Variants in APPL2 observed in about 807,000 individuals in gnomAD.
APPL2 encodes the protein adaptor protein, phosphotyrosine interacting with PH domain and leucine zipper 2.
In APPL2, 84 loss-of-function variants were observed where a neutral mutation model predicts 92.7. The ratio of observed to expected loss-of-function variants is 0.91; its 90% CI spans 0.76 to 1.09. The LOEUF (loss-of-function observed/expected upper bound fraction) is 1.09. APPL2 is among the 50% of genes least tolerant of loss of function. The probability of loss-of-function intolerance (pLI) is 0.00; values close to 1 mark genes in which losing one functional copy is unlikely to be tolerated. For synonymous variants in APPL2, 291 were observed against 291.0 expected (o/e 1.00, Z 0.00); for missense variants, 736 against 824.5 (o/e 0.89, Z 1.31).
chr12:105,205,622 G>T (rs1888634176), intron 8 of APPL2, among the ~76,000 whole-genome samples: 1 of 152,210 alleles, frequency 6.6e-6, no homozygotes, highest in South Asian at 2.1e-4. Flanking sequence ...GACCAGAGCT[G>T]ATCATCCTTC....
At chr12:105,232,182 G>C (rs1890972470) in intron 1 of APPL2, among the ~76,000 whole-genome samples, 1 of 152,132 alleles carries the variant, frequency 6.6e-6, no homozygotes, top group Non-Finnish European at 1.5e-5. Flanking sequence ...CAACCTCAGA[G>C]AGATTGAGTA....
In APPL2 at chr12:105,199,391, C is replaced by G. The variant is rs186184574; in HGVS notation, c.845G>C (p.Gly282Ala). Residue 282 changes from glycine (G) to alanine (A), a missense_variant, in exon 10 of 21, where the codon GGT (glycine) becomes GCT (alanine). Transcript: ENST00000258530. ...QINRNLIQKA[G>A]YLNLRNKTGL... ...TTCTCACTTTCTAAGATTAAGGTAA[C>G]CAGCCTTCTGGATGAGGTTCCTGTT... The G allele has an allele frequency of 1.2e-6, 2 of 1,613,022 alleles. No homozygotes were observed. Among genetic ancestry groups the G allele is most frequent in the African/African-American group, 2.7e-5 (2 of 74,988 alleles).
chr12:105,222,535 G>A (rs1566095416), intron 2 of APPL2, among the ~76,000 whole-genome samples: 1 of 152,192 alleles, frequency 6.6e-6, no homozygotes, highest in African/African-American at 2.4e-5. Context: ...TTCAGCCAAG[G>A]AACTGAGGAG....
At chr12:105,190,810 C>A (rs1001375758) in intron 14 of APPL2, among the ~76,000 whole-genome samples, 4 of 152,192 alleles carry the variant, frequency 2.6e-5, no homozygotes, top group African/African-American at 9.7e-5. Context: ...GCATTGTGCC[C>A]ACACTCATTG....
At chr12:105,227,599 C>T (rs1890618836) in intron 2 of APPL2, among the ~76,000 whole-genome samples, 1 of 152,156 alleles carries the variant, frequency 6.6e-6, no homozygotes, top group African/African-American at 2.4e-5. Context: ...TACCACCTGA[C>T]CCCTTCATAC....
chr12:105,212,118 C>CA lies in APPL2; in HGVS notation c.286-802dup, dbSNP rs5800657. On this transcript the variant is annotated intron_variant, in intron 4 of 20. Coordinates refer to ENST00000258530, the MANE Select transcript of APPL2 (RefSeq NM_018171.5). ...TGGGTGACAGAGCGAGACTCCATCT[C>CA]AAAAAAAAAAAAAAAAAAAAAGAAT... Among the ~76,000 whole-genome samples the CA allele has an allele frequency of 4.1e-3, 294 of 72,376 alleles. 12 individuals are homozygous for CA. The highest frequency in any genetic ancestry group is 9.3e-3 in the African/African-American group (166 of 17,800). The allele number at this position is 72,376 out of a possible 152,430, so 47.5% of individuals were successfully genotyped here.
chr12:105,175,321 A>C (rs1384499753), intron 20 of APPL2, among the ~76,000 whole-genome samples: 5 of 152,206 alleles, frequency 3.3e-5, no homozygotes, highest in African/African-American at 1.2e-4. Flanking sequence ...CCACTATTTC[A>C]TGTATGTGGC....
rs757298388 is a variant in APPL2 at position 105,200,864 on chromosome 12, G to GTATGTATCTATCTATC, written c.705-1334_705-1333insGATAGATAGATACATA. On this transcript the variant is annotated intron_variant, in intron 9 of 20. Coordinates refer to ENST00000258530, the MANE Select transcript of APPL2 (RefSeq NM_018171.5). Reference sequence around the variant, plus strand: ...TGTATGTATGTATGTATGTATGTATGTATCTATCTATCTATCTATCTATCT... The same window carrying GTATGTATCTATCTATC: ...TGTATGTATGTATGTATGTATGTATGTATGTATCTATCTATCTATCTATCTATCTATCTATCTATCT... Among the ~76,000 whole-genome samples, 531 of 135,046 alleles carry GTATGTATCTATCTATC rather than the reference G, an allele frequency of 3.9e-3. 2 individuals carry two copies. The highest frequency in any genetic ancestry group is 6.5e-3 in the Non-Finnish European group (405 of 61,928). The allele number at this position is 135,046 out of a possible 152,430, so 88.6% of individuals were successfully genotyped here.
intron 17 of APPL2, among the ~76,000 whole-genome samples, chr12:105,179,806 C>G (rs1719136652): frequency 6.6e-6 from 1 of 152,162 alleles, no homozygotes; most frequent in Non-Finnish European, 1.5e-5. Context: ...ATCCTTCACC[C>G]ACTTTTTGAC....
intron 14 of APPL2, 38 bp downstream of exon 14, chr12:105,195,223 G>A (rs774189317): frequency 6.3e-7 from 1 of 1,586,472 alleles, no homozygotes; most frequent in East Asian, 2.2e-5. Flanking sequence ...CAATAATTTG[G>A]CTCCACAAAA....
chr12:105,200,894 ATCTATC>A (rs1157598933), intron 9 of APPL2, among the ~76,000 whole-genome samples: 6 of 141,340 alleles, frequency 4.2e-5, no homozygotes, highest in African/African-American at 1.6e-4. Context: ...CTATCTATCT[ATCTATC>A]TATCCTATCT....
intron 4 of APPL2, among the ~76,000 whole-genome samples, chr12:105,211,556 G>C (rs1889219848): frequency 6.6e-6 from 1 of 152,140 alleles, no homozygotes; most frequent in Admixed American, 6.5e-5. Flanking sequence ...AGAGTGTCTG[G>C]GCCCACAGTT....
At chr12:105,235,667 A>C (rs1372387217) in intron 1 of APPL2, among the ~76,000 whole-genome samples, 1 of 152,192 alleles carries the variant, frequency 6.6e-6, no homozygotes, top group Non-Finnish European at 1.5e-5. Context: ...ACTACATGGA[A>C]TCAAAGTTTA....
At chr12:105,196,194 G>A (rs1359583878) in intron 11 of APPL2, among the ~76,000 whole-genome samples, 1 of 152,094 alleles carries the variant, frequency 6.6e-6, no homozygotes, top group Non-Finnish European at 1.5e-5. Flanking sequence ...GAGAAGGCGG[G>A]ACTCGGATCT....
intron 2 of APPL2, among the ~76,000 whole-genome samples, chr12:105,218,136 T>C (rs199674998): frequency 2.1e-5 from 3 of 143,062 alleles, no homozygotes; most frequent in African/African-American, 7.6e-5. Flanking sequence ...GAAAAAAAAA[T>C]CCCTTTCCAC....
intron 19 of APPL2, 150 bp from the exon 20 acceptor site, chr12:105,176,232 G>A (rs1242124582): frequency 1.5e-6 from 1 of 647,466 alleles, no homozygotes; most frequent in Non-Finnish European, 2.6e-6. Flanking sequence ...ATCACATAGG[G>A]CCCGGGGCAT....
chr12:105,186,718 T>TATATATCATATATCATATC (rs1886754311), intron 17 of APPL2, among the ~76,000 whole-genome samples: 1 of 131,616 alleles, frequency 7.6e-6, no homozygotes, highest in African/African-American at 3.0e-5. Context: ...TATCATATCA[T>TATATATCATATATCATATC]ATATATATCA....
chr12:105,216,115 T>C (rs1291003705), intron 4 of APPL2, among the ~76,000 whole-genome samples: 1 of 152,224 alleles, frequency 6.6e-6, no homozygotes, highest in East Asian at 1.9e-4. Flanking sequence ...CTCTTATGTT[T>C]TTTACAATTA....
Position 105,177,242 on chromosome 12 carries a change from T to G in APPL2, c.1655A>C (p.Gln552Pro). 6.2e-7 allele frequency: 1 copy of G among 1,613,950 alleles called. No individual in the cohort carries two copies. The change falls in exon 18 of 21, where the codon CAA (glutamine) becomes CCA (proline). Residue 552 changes from glutamine to proline, a missense_variant. Gln to Pro is a moderately conservative substitution (Grantham distance 76, BLOSUM62 -1). Transcript: ENST00000258530. ...GGTACTTACATTGGCCCTTGATACT[T>G]GAGTCTGTGGATCTATCAACCTGAA... ...QSLRLIDPQT[Q>P]VSRANFELTS...
Sources: allele counts gnomAD v4.1 joint callset (sites outside exome capture counted in the v4.1 genomes callset), GRCh38; gene constraint gnomAD v4.1.1; transcripts MANE v1.5; gene names NCBI Gene and HGNC (gene_info 2026-07-23, HGNC 2026-07-21).